The following SLC8A1 variants were observed in gnomAD, a reference collection of about 807,000 sequenced individuals.
SLC8A1 encodes the protein solute carrier family 8 member A1.
SLC8A1 carries 18 observed loss-of-function variants against 68.3 expected under a neutral mutation model. That is an observed-to-expected ratio of 0.26 (90% CI 0.18 to 0.39). The LOEUF (loss-of-function observed/expected upper bound fraction) is 0.39, where lower values mean the gene tolerates loss of function less well. Among genes scored for constraint, SLC8A1 ranks in the 10% least tolerant of loss-of-function variants. The pLI is 1.00. For synonymous variants in SLC8A1, 475 were observed against 415.5 expected (o/e 1.14, Z -1.74); for missense variants, 985 against 1,156.7 (o/e 0.85, Z 2.15).
chr2:40,461,278 C>A (rs1043016834), intron 1 of SLC8A1, among the ~76,000 whole-genome samples: 1 of 152,100 alleles, frequency 6.6e-6, no homozygotes, highest in Non-Finnish European at 1.5e-5. Context: ...GGATATTTCA[C>A]CACTGAGATG....
chr2:40,146,580 G>C (rs1043348800), intron 6 of SLC8A1, among the ~76,000 whole-genome samples: 17 of 151,996 alleles, frequency 1.1e-4, no homozygotes, highest in African/African-American at 2.4e-5. Context: ...TGTGGAATCA[G>C]TGGGAACCCT....
intron 2 of SLC8A1, among the ~76,000 whole-genome samples, chr2:40,273,680 A>G (rs1369663314): frequency 6.6e-6 from 1 of 152,176 alleles, no homozygotes; most frequent in Admixed American, 6.5e-5. Context: ...CCCATTAATC[A>G]GCAATTAACT....
intron 1 of SLC8A1, among the ~76,000 whole-genome samples, chr2:40,486,380 T>C (rs80321413): frequency 6.6e-6 from 1 of 152,208 alleles, no homozygotes; most frequent in East Asian, 1.9e-4. Context: ...AGTACTGATA[T>C]CCTCTGCTTC....
At chr2:40,135,636 T>G (rs140454533) in intron 7 of SLC8A1, among the ~76,000 whole-genome samples, 1,625 of 152,222 alleles carry the variant, frequency 0.011, 22 homozygotes, top group African/African-American at 0.036. Context: ...GAGACTTGCT[T>G]GAACCCGAGA....
intron 3 of SLC8A1, 149 bp downstream of exon 4, chr2:40,175,112 G>T: frequency 1.2e-6 from 1 of 810,884 alleles, no homozygotes; most frequent in Non-Finnish European, 2.0e-6. Flanking sequence ...TAAACTATTT[G>T]ACCTTGACAA....
chr2:40,195,785 G>C (rs1163652270), intron 2 of SLC8A1: 1 of 152,020 alleles, frequency 6.6e-6, no homozygotes, highest in Non-Finnish European at 1.5e-5. Flanking sequence ...GAAGTATCTG[G>C]ATGGCAAGAC....
intron 7 of SLC8A1, among the ~76,000 whole-genome samples, chr2:40,115,842 G>A (rs2035223536): frequency 6.6e-6 from 1 of 152,182 alleles, no homozygotes; most frequent in Non-Finnish European, 1.5e-5. Context: ...GCTGTGTAAT[G>A]GACTGAGCAA....
intron 2 of SLC8A1, among the ~76,000 whole-genome samples, chr2:40,266,644 T>G (rs1265534978): frequency 2.0e-5 from 3 of 152,306 alleles, no homozygotes; most frequent in Non-Finnish European, 4.4e-5. Context: ...GACTAGTCAG[T>G]TACGCACTCC....
chr2:40,437,592 C>T (rs13031849), intron 1 of SLC8A1, among the ~76,000 whole-genome samples: 7,542 of 152,042 alleles, frequency 0.05, 353 homozygotes, highest in East Asian at 0.25. Context: ...GGATAATGAA[C>T]GGGAGCCAGG....
rs1191619172 is a variant in SLC8A1 at position 40,500,795 on chromosome 2, CTTTTTTTTTTT to C, written c.-25+11543_-25+11553del. ...TATAAGGTAAGGTATTATCATCTGA[CTTTTTTTTTTT>C]TTTTTTTTTTTTTTTTTTGGCTTTT... is the stretch of plus-strand genomic sequence containing the variant. On this transcript the variant is annotated intron_variant, in intron 1 of 7. Transcript: ENST00000402441. Among the ~76,000 whole-genome samples, 54 of 37,260 alleles carry C rather than the reference CTTTTTTTTTTT, an allele frequency of 1.4e-3. 1 individual carries two copies. The highest frequency in any genetic ancestry group is 1.8e-3 in the Non-Finnish European group (37 of 20,020). 24.4% of individuals were successfully genotyped at this position (37,260 alleles called of 152,430 possible).
chr2:40,388,592 G>A (rs1037719609), intron 2 of SLC8A1, among the ~76,000 whole-genome samples: 1 of 152,096 alleles, frequency 6.6e-6, no homozygotes, highest in African/African-American at 2.4e-5. Context: ...ACTAATTTAT[G>A]TCCTTTGGGT....
intron 2 of SLC8A1, among the ~76,000 whole-genome samples, chr2:40,198,760 C>T (rs115855476): frequency 6.6e-6 from 1 of 151,848 alleles, no homozygotes; most frequent in African/African-American, 2.4e-5. Context: ...AAGGCACTAA[C>T]TACTCTGGAG....
intron 4 of SLC8A1, among the ~76,000 whole-genome samples, chr2:40,171,656 GTCA>G (rs1264962495): frequency 6.6e-6 from 1 of 152,206 alleles, no homozygotes; most frequent in Non-Finnish European, 1.5e-5. Context: ...GATTAGAACA[GTCA>G]TCATTAATTT....
At chr2:40,189,176 G>T (rs2051272116) in intron 2 of SLC8A1, among the ~76,000 whole-genome samples, 1 of 152,030 alleles carries the variant, frequency 6.6e-6, no homozygotes, top group Non-Finnish European at 1.5e-5. Flanking sequence ...ACAGAGTTCT[G>T]TCCTTGTCTA....
intron 1 of SLC8A1, among the ~76,000 whole-genome samples, chr2:40,432,664 T>G (rs1698598764): frequency 6.6e-6 from 1 of 151,786 alleles, no homozygotes; most frequent in African/African-American, 2.4e-5. Flanking sequence ...GGGGCAGGGC[T>G]CAGGAGTGGG....
chr2:40,297,088 TCTC>T (rs1319630763), intron 2 of SLC8A1, among the ~76,000 whole-genome samples: 4 of 152,176 alleles, frequency 2.6e-5, no homozygotes, highest in African/African-American at 4.8e-5. Flanking sequence ...CTCATGGTAT[TCTC>T]CTGATCTTAC....
intron 4 of SLC8A1, among the ~76,000 whole-genome samples, chr2:40,166,278 G>A (rs2046545243): frequency 6.6e-6 from 1 of 152,182 alleles, no homozygotes; most frequent in Admixed American, 6.5e-5. Context: ...TGCTCGTTGT[G>A]AGGGCAGGGA....
At chr2:40,392,108 A>C (rs1685463663) in intron 2 of SLC8A1, among the ~76,000 whole-genome samples, 1 of 152,012 alleles carries the variant, frequency 6.6e-6, no homozygotes, top group South Asian at 2.1e-4. Flanking sequence ...AGCGAGAATG[A>C]ACAAAGAGTG....
At chr2:40,452,447 T>C (rs1380789973), upstream of SLC8A1, among the ~76,000 whole-genome samples, 1 of 152,152 alleles carries the variant, frequency 6.6e-6, no homozygotes, top group Non-Finnish European at 1.5e-5. Flanking sequence ...GCTAGCGCTG[T>C]CTCTCGCACC....
Sources: gnomAD v4.1 joint callset for allele counts (sites outside exome capture counted in the v4.1 genomes callset) on GRCh38, gnomAD v4.1.1 for gene constraint, MANE v1.5 for transcripts, NCBI Gene and HGNC (gene_info 2026-07-23, HGNC 2026-07-21) for gene names.